CELF4: variants seen among roughly 807,000 people sequenced by gnomAD.
CELF4 encodes CUG-BP- and ETR-3-like factor 4.
A neutral mutation model predicts 59.9 loss-of-function variants in CELF4; 18 were observed. That is an observed-to-expected ratio of 0.30 (90% confidence interval 0.21 to 0.45). The LOEUF is 0.45. Ranked by LOEUF, CELF4 falls within the 20% of genes least tolerant of loss-of-function variation. The pLI is 1.00. For missense variants in CELF4, 456 were observed against 689.0 expected (o/e 0.66, Z 3.79); for synonymous variants, 261 against 267.1 (o/e 0.98, Z 0.22).
chr18:37,313,858 C>A (rs1017660304), intron 3 of CELF4, among the ~76,000 whole-genome samples: 2 of 152,230 alleles, frequency 1.3e-5, no homozygotes, highest in African/African-American at 4.8e-5. Flanking sequence ...GCCTGGGAGC[C>A]CAGTCACTCA....
At chr18:37,400,774 A>C (rs779802551) in intron 2 of CELF4, among the ~76,000 whole-genome samples, 6 of 152,210 alleles carry the variant, frequency 3.9e-5, no homozygotes, top group Non-Finnish European at 8.8e-5. Context: ...GAGAAATTTG[A>C]CTGGTGTCTA....
intron 3 of CELF4, among the ~76,000 whole-genome samples, chr18:37,276,938 C>T (rs1003850302): frequency 3.3e-5 from 5 of 152,326 alleles, no homozygotes; most frequent in African/African-American, 1.2e-4. Flanking sequence ...AGCACATGGG[C>T]ACTCAGGGAC....
At chr18:37,415,147 T>A (rs1287033432) in intron 2 of CELF4, among the ~76,000 whole-genome samples, 1 of 152,042 alleles carries the variant, frequency 6.6e-6, no homozygotes, top group Non-Finnish European at 1.5e-5. Flanking sequence ...ATGAAGCAAG[T>A]GGTGGCTGAA....
intron 2 of CELF4, among the ~76,000 whole-genome samples, chr18:37,475,416 G>A (rs1407640413): frequency 6.6e-6 from 1 of 152,200 alleles, no homozygotes; most frequent in African/African-American, 2.4e-5. Flanking sequence ...CCCCAGTGAT[G>A]CTGATCTGAT....
chr18:37,420,977 G>T (rs1247517137), intron 2 of CELF4, among the ~76,000 whole-genome samples: 1 of 152,176 alleles, frequency 6.6e-6, no homozygotes, highest in African/African-American at 2.4e-5. Context: ...TTGAACCTAG[G>T]ACATTCCTAG....
At chr18:37,271,944 G>A (rs1233340735) in intron 7 of CELF4, among the ~76,000 whole-genome samples, 2 of 152,220 alleles carry the variant, frequency 1.3e-5, no homozygotes, top group African/African-American at 4.8e-5. Flanking sequence ...CATGTAGGAA[G>A]CAGGGTCCCT....
At chr18:37,392,097 G>A (rs970091000) in intron 2 of CELF4, among the ~76,000 whole-genome samples, 5 of 152,202 alleles carry the variant, frequency 3.3e-5, no homozygotes, top group African/African-American at 1.2e-4. Flanking sequence ...CTTCTGTGAC[G>A]ATGACTCAGC....
intron 3 of CELF4, among the ~76,000 whole-genome samples, chr18:37,301,622 C>T (rs1470310961): frequency 6.6e-6 from 1 of 152,192 alleles, no homozygotes; most frequent in Non-Finnish European, 1.5e-5. Flanking sequence ...GGCTGCCCTT[C>T]CTCAGGTTCC....
intron 12 of CELF4, among the ~76,000 whole-genome samples, chr18:37,248,785 T>A (rs2063628628): frequency 1.3e-5 from 2 of 152,150 alleles, no homozygotes; most frequent in Admixed American, 1.3e-4. Flanking sequence ...TTGGGGTCCT[T>A]AGCTCCACCC....
intron 2 of CELF4, among the ~76,000 whole-genome samples, chr18:37,408,015 G>A (rs768650122): frequency 6.6e-6 from 1 of 152,158 alleles, no homozygotes; most frequent in Non-Finnish European, 1.5e-5. Context: ...TGTGTGTACC[G>A]AAATTTGGCT....
At chr18:37,266,684 TACTG>T (rs2077746046) in intron 8 of CELF4, 86 bp from the exon 9 acceptor site, 2 of 1,179,046 alleles carry the variant, frequency 1.7e-6, no homozygotes, top group African/African-American at 3.0e-5. Flanking sequence ...GATGTAGCTG[TACTG>T]CCTTTTCTGG....
chr18:37,530,825 G>T (rs1035166171), intron 1 of CELF4, among the ~76,000 whole-genome samples: 3 of 151,168 alleles, frequency 2.0e-5, no homozygotes, highest in Non-Finnish European at 4.4e-5. Flanking sequence ...CTTTTTCCTC[G>T]TTTGGGATCA....
Position 37,333,565 on chromosome 18 carries a change from G to C in CELF4, c.370-11684C>G, listed in dbSNP as rs544367759. ...TCTGTGGGGAAGAGCTGAGAATGGG[G>C]TAGGGAGGCCACGCCTCATGGAGAG... On this transcript the variant is annotated intron_variant, in intron 2 of 12. Transcript: ENST00000420428. Among the ~76,000 whole-genome samples, 11 of 152,274 alleles carry C rather than the reference G, an allele frequency of 7.2e-5. No homozygotes were observed. The East Asian group carries it at 1.9e-3, about 27-fold the overall frequency.
At chr18:37,502,855 T>C (rs563325976) in intron 1 of CELF4, among the ~76,000 whole-genome samples, 1 of 152,304 alleles carries the variant, frequency 6.6e-6, no homozygotes, top group East Asian at 1.9e-4. Flanking sequence ...GTAGCGCTGA[T>C]TCCCTCCATT....
intron 1 of CELF4, among the ~76,000 whole-genome samples, chr18:37,500,531 CT>C (rs1569569670): frequency 2.0e-4 from 17 of 83,720 alleles, no homozygotes; most frequent in Middle Eastern, 0.014. Context: ...CTTTTCTTTT[CT>C]TTTTCTTTTT....
intron 2 of CELF4, among the ~76,000 whole-genome samples, chr18:37,339,433 C>T (rs1380678094): frequency 6.6e-6 from 1 of 152,166 alleles, no homozygotes; most frequent in African/African-American, 2.4e-5. Flanking sequence ...CATGAGTGTG[C>T]TCATACATGT....
chr18:37,545,616 A>G (rs1205858440), intron 1 of CELF4, among the ~76,000 whole-genome samples: 1 of 152,100 alleles, frequency 6.6e-6, no homozygotes, highest in East Asian at 1.9e-4. Flanking sequence ...GTTGCTTCCA[A>G]GTGCTGCCTC....
At chr18:37,273,463 G>C (rs2092269308) in intron 6 of CELF4, 5 of 1,097,454 alleles carry the variant, frequency 4.6e-6, no homozygotes, top group East Asian at 5.7e-5. Flanking sequence ...CCTGTGTACA[G>C]CCTGTCATTC....
intron 2 of CELF4, among the ~76,000 whole-genome samples, chr18:37,469,250 T>A (rs1334276820): frequency 6.6e-6 from 1 of 152,158 alleles, no homozygotes; most frequent in Non-Finnish European, 1.5e-5. Flanking sequence ...GGCAGGGGCA[T>A]CTACTTGTAG....
Sources: gnomAD v4.1 joint callset for allele counts (sites outside exome capture counted in the v4.1 genomes callset) on GRCh38, gnomAD v4.1.1 for gene constraint, MANE v1.5 for transcripts, NCBI Gene and HGNC (gene_info 2026-07-23, HGNC 2026-07-21) for gene names.